NDST4: variants seen among roughly 807,000 people sequenced by gnomAD.
NDST4 encodes the protein N-deacetylase and N-sulfotransferase 4.
Under a neutral mutation model 100.8 loss-of-function variants are expected in NDST4, and 63 were observed. That is an observed-to-expected ratio of 0.62 (90% CI 0.51 to 0.77). The LOEUF (loss-of-function observed/expected upper bound fraction) is 0.77. Among genes scored for constraint, NDST4 ranks in the 30% least tolerant of loss-of-function variants. The probability of loss-of-function intolerance (pLI) is 0.00; values close to 1 mark genes in which losing one functional copy is unlikely to be tolerated. For missense variants in NDST4, 943 were observed against 1,018.4 expected (o/e 0.93, Z 1.01); for synonymous variants, 377 against 361.8 (o/e 1.04, Z -0.48).
At chr4:114,913,135 T>A (rs1048108133) in intron 6 of NDST4, among the ~76,000 whole-genome samples, 4 of 135,922 alleles carry the variant, frequency 2.9e-5, no homozygotes, top group Non-Finnish European at 6.0e-5. Flanking sequence ...GAAAAAAAAA[T>A]AAAATTATAT....
chr4:114,830,563 C>T (rs916604718), intron 12 of NDST4, among the ~76,000 whole-genome samples: 17 of 152,262 alleles, frequency 1.1e-4, no homozygotes, highest in African/African-American at 3.8e-4. Flanking sequence ...CACATAGCTG[C>T]ACTGAGTTAT....
chr4:114,990,679 A>C (rs1006434667), intron 2 of NDST4, among the ~76,000 whole-genome samples: 1 of 152,154 alleles, frequency 6.6e-6, no homozygotes, highest in Non-Finnish European at 1.5e-5. Flanking sequence ...ATATATTTCT[A>C]CAATATCTTT....
At chr4:114,896,459 T>C (rs1183124876) in intron 6 of NDST4, among the ~76,000 whole-genome samples, 1 of 151,668 alleles carries the variant, frequency 6.6e-6, no homozygotes, top group South Asian at 2.1e-4. Flanking sequence ...CCGTCTCTAC[T>C]AAAAAATGCA....
At chr4:114,996,320 G>A (rs1727161084) in intron 2 of NDST4, among the ~76,000 whole-genome samples, 1 of 151,908 alleles carries the variant, frequency 6.6e-6, no homozygotes, top group Non-Finnish European at 1.5e-5. Context: ...CTTCCACCAC[G>A]ACTGTAAGTT....
intron 4 of NDST4, among the ~76,000 whole-genome samples, chr4:114,954,434 T>C (rs1471060686): frequency 6.6e-6 from 1 of 151,960 alleles, no homozygotes; most frequent in East Asian, 1.9e-4. Flanking sequence ...ATTAGCAAAA[T>C]GAATTAAACG....
At chr4:114,980,212 C>G (rs1258642591) in intron 2 of NDST4, among the ~76,000 whole-genome samples, 1 of 151,944 alleles carries the variant, frequency 6.6e-6, no homozygotes, top group Non-Finnish European at 1.5e-5. Context: ...TTTTAAAACC[C>G]CTTATTTTGG....
chr4:114,893,583 G>GATGTGTTTTTTTTTTCTTGTAA, intron 6 of NDST4, among the ~76,000 whole-genome samples: 1 of 151,572 alleles, frequency 6.6e-6, no homozygotes, highest in Middle Eastern at 3.4e-3. Flanking sequence ...TCCACTTTCT[G>GATGTGTTTTTTTTTTCTTGTAA]ATGTGTTTTT....
intron 7 of NDST4, among the ~76,000 whole-genome samples, chr4:114,856,576 A>G (rs1203889453): frequency 6.6e-6 from 1 of 152,182 alleles, no homozygotes; most frequent in African/African-American, 2.4e-5. Flanking sequence ...ATATCATTTT[A>G]TTCTATGACA....
At chr4:115,007,061 C>T (rs1179476736) in intron 2 of NDST4, among the ~76,000 whole-genome samples, 6 of 152,072 alleles carry the variant, frequency 3.9e-5, no homozygotes, top group African/African-American at 4.8e-5. Flanking sequence ...GCTTAATTCC[C>T]GTATAAAATG....
intron 6 of NDST4, among the ~76,000 whole-genome samples, chr4:114,889,089 G>A (rs1358408587): frequency 6.6e-6 from 1 of 151,874 alleles, no homozygotes; most frequent in African/African-American, 2.4e-5. Flanking sequence ...CTACTTCCTT[G>A]ATGGTATAAA....
intron 4 of NDST4, chr4:114,955,885 G>A (rs1726127885): frequency 6.6e-6 from 1 of 152,138 alleles, no homozygotes; most frequent in African/African-American, 2.4e-5. Flanking sequence ...CAAGAACATA[G>A]GGCTACATCT....
At chr4:115,053,664 C>A (rs1237591355) in intron 2 of NDST4, among the ~76,000 whole-genome samples, 8 of 152,094 alleles carry the variant, frequency 5.3e-5, no homozygotes, top group African/African-American at 1.9e-4. Context: ...AGACTATTCA[C>A]CAAAATGTGT....
chr4:114,959,953 C>T (rs1726224390), intron 4 of NDST4, among the ~76,000 whole-genome samples: 1 of 151,976 alleles, frequency 6.6e-6, no homozygotes. Context: ...TGAACTAGAA[C>T]TAAAATAAAC....
At chr4:115,038,725 C>A (rs888247310) in intron 2 of NDST4, among the ~76,000 whole-genome samples, 3 of 152,038 alleles carry the variant, frequency 2.0e-5, no homozygotes, top group African/African-American at 7.2e-5. Flanking sequence ...ACCCATAATC[C>A]CAACACTTTG....
intron 2 of NDST4, among the ~76,000 whole-genome samples, chr4:115,071,550 G>C (rs543250627): frequency 1.3e-5 from 2 of 151,824 alleles, no homozygotes; most frequent in Admixed American, 6.6e-5. Context: ...ATTCAAATAG[G>C]TATTTCATAT....
chr4:115,026,961 T>C (rs1311371999), intron 2 of NDST4, among the ~76,000 whole-genome samples: 3 of 152,144 alleles, frequency 2.0e-5, no homozygotes, highest in Non-Finnish European at 4.4e-5. Context: ...GCTTCTGTTC[T>C]CTCTGCTGAC....
Position 114,970,502 on chromosome 4 carries a change from G to A in NDST4, c.1149C>T (p.His383=). Residue 383 remains histidine, a synonymous_variant, in exon 4 of 14, where the codon CAC becomes CAT. Transcript: ENST00000264363. ...EFWWFPHMWS[H]MQPHLFHNES... ...CGTTGTGGAAGAGGTGGGGCTGCAT[G>A]TGGCTCCACATGTGAGGAAACCACC... 6.2e-7 allele frequency: 1 copy of A among 1,614,064 alleles called. No homozygotes were observed. Among genetic ancestry groups the A allele is most frequent in the Non-Finnish European group, 8.5e-7 (1 of 1,179,942 alleles).
intron 7 of NDST4, among the ~76,000 whole-genome samples, chr4:114,857,130 T>C (rs1723814679): frequency 6.6e-6 from 1 of 152,186 alleles, no homozygotes; most frequent in African/African-American, 2.4e-5. Flanking sequence ...GGATGCCTTG[T>C]GGAATATCTG....
At chr4:115,046,655 T>C (rs1292452738) in intron 2 of NDST4, among the ~76,000 whole-genome samples, 2 of 152,064 alleles carry the variant, frequency 1.3e-5, no homozygotes, top group Non-Finnish European at 2.9e-5. Context: ...GATGATAAGA[T>C]AGATAAGTTT....
Sources: gnomAD v4.1 joint callset for allele counts (sites outside exome capture counted in the v4.1 genomes callset) on GRCh38, gnomAD v4.1.1 for gene constraint, MANE v1.5 for transcripts, NCBI Gene and HGNC (gene_info 2026-07-23, HGNC 2026-07-21) for gene names.